PRIM2: variants seen among roughly 807,000 people sequenced by gnomAD.
The protein encoded by PRIM2 is DNA primase subunit 2.
Under a neutral mutation model 67.3 loss-of-function variants are expected in PRIM2, and 39 were observed. That is an observed-to-expected ratio of 0.58 (90% confidence interval 0.45 to 0.76). The LOEUF (loss-of-function observed/expected upper bound fraction) is 0.76, where lower values mean the gene tolerates loss of function less well. PRIM2 is among the 30% of genes least tolerant of loss of function. The pLI is 0.00. For missense variants in PRIM2, 398 were observed against 598.7 expected, an observed-to-expected ratio of 0.66 and a Z score of 3.50; for synonymous variants, 143 against 198.7, an observed-to-expected ratio of 0.72 and a Z score of 2.36.
the PRIM2 span, among the ~76,000 whole-genome samples, chr6:57,278,437 C>T: frequency 6.6e-6 from 1 of 152,190 alleles, no homozygotes; most frequent in African/African-American, 2.4e-5. Flanking sequence ...GTCCTCCTAC[C>T]ACCAGTCTGT....
the PRIM2 span, among the ~76,000 whole-genome samples, chr6:57,266,499 C>A: frequency 7.9e-5 from 12 of 152,234 alleles, no homozygotes; most frequent in East Asian, 2.3e-3. Flanking sequence ...TAGGGCTGAC[C>A]AAAGTGACGA....
intron 7 of PRIM2, among the ~76,000 whole-genome samples, chr6:57,397,044 C>G (rs1274338413): frequency 6.6e-6 from 1 of 152,150 alleles, no homozygotes; most frequent in South Asian, 2.1e-4. Flanking sequence ...TGCTGTTAAT[C>G]TGTTAGGTTT....
At chr6:57,434,934 T>G (rs1562750861) in intron 7 of PRIM2, 1 of 145,442 alleles carries the variant, frequency 6.9e-6, no homozygotes, top group Non-Finnish European at 1.5e-5. Flanking sequence ...GCCACCATAC[T>G]CAGCTGATTT....
chr6:57,327,708 G>C (rs960710017), intron 5 of PRIM2, among the ~76,000 whole-genome samples: 12 of 152,120 alleles, frequency 7.9e-5, no homozygotes, highest in African/African-American at 2.9e-4. Context: ...ATTCCTATTA[G>C]AAATAGTTTA....
intron 5 of PRIM2, among the ~76,000 whole-genome samples, chr6:57,370,947 C>T (rs1769533826): frequency 6.6e-6 from 1 of 152,024 alleles, no homozygotes; most frequent in Non-Finnish European, 1.5e-5. Flanking sequence ...ATCTGCCCAC[C>T]TCAGCCTCCC....
intron 8 of PRIM2, among the ~76,000 whole-genome samples, chr6:57,524,687 G>A (rs1378459052): frequency 1.3e-5 from 2 of 151,464 alleles, no homozygotes; most frequent in Non-Finnish European, 2.9e-5. Flanking sequence ...GGCAACAAGA[G>A]CAAAACTCCG....
chr6:57,324,603 T>C (rs532323572), intron 4 of PRIM2, among the ~76,000 whole-genome samples: 1 of 152,308 alleles, frequency 6.6e-6, no homozygotes, highest in South Asian at 2.1e-4. Context: ...AAAATGGTAA[T>C]ATTTATAAGA....
intron 7 of PRIM2, among the ~76,000 whole-genome samples, chr6:57,472,909 A>T (rs1362348721): frequency 6.6e-6 from 1 of 152,296 alleles, no homozygotes; most frequent in Non-Finnish European, 1.5e-5. Flanking sequence ...TTGGGGATCA[A>T]ATTGGTTTTC....
chr6:57,502,425 G>A (rs1177982785), intron 7 of PRIM2, among the ~76,000 whole-genome samples: 2 of 152,150 alleles, frequency 1.3e-5, no homozygotes, highest in African/African-American at 2.4e-5. Flanking sequence ...TGGAGGATGC[G>A]CAGTGAGGGT....
chr6:57,542,860 C>G (rs1244025774), intron 10 of PRIM2, among the ~76,000 whole-genome samples: 1 of 145,668 alleles, frequency 6.9e-6, no homozygotes, highest in African/African-American at 2.6e-5. Flanking sequence ...ACCATTGTAT[C>G]TATTTGTTAA....
chr6:57,233,579 T>A, the PRIM2 span, among the ~76,000 whole-genome samples: 1 of 151,194 alleles, frequency 6.6e-6, no homozygotes, highest in African/African-American at 2.4e-5. Context: ...GTTAACAATG[T>A]CTTTCCTCCT....
chr6:57,517,309 G>A (rs1358753827), intron 8 of PRIM2, among the ~76,000 whole-genome samples: 1 of 152,154 alleles, frequency 6.6e-6, no homozygotes, highest in Middle Eastern at 3.4e-3. Flanking sequence ...TGATGTTATG[G>A]GAAATAATAT....
chr6:57,393,491 T>C (rs1770426977), intron 7 of PRIM2, among the ~76,000 whole-genome samples: 1 of 152,190 alleles, frequency 6.6e-6, no homozygotes, highest in Admixed American at 6.5e-5. Context: ...TAGCCCACTT[T>C]TTGATGGAAT....
chr6:57,608,608 C>T (rs1255165708), intron 12 of PRIM2, among the ~76,000 whole-genome samples: 4 of 151,382 alleles, frequency 2.6e-5, no homozygotes, highest in Admixed American at 2.6e-4. Context: ...ACTGTAGCCT[C>T]AGCTACTCAG....
At chr6:57,601,240 T>C (rs1439952625) in intron 11 of PRIM2, 21 bp downstream of exon 11, 3 of 1,573,828 alleles carry the variant, frequency 1.9e-6, no homozygotes, top group African/African-American at 1.4e-5. Flanking sequence ...CCACTGGATA[T>C]GTTGGCCAAG....
rs1777334563 is a variant in PRIM2 at position 57,646,342 on chromosome 6, C to T, written c.*184C>T. 1 of 595,924 alleles carries T rather than the reference C, an allele frequency of 1.7e-6. No individual in the cohort carries two copies. Among genetic ancestry groups the T allele is most frequent in the South Asian group, 2.0e-5 (1 of 49,072 alleles). 36.9% of individuals were successfully genotyped at this position (595,924 alleles called of 1,614,324 possible). On this transcript the variant is annotated 3_prime_UTR_variant, in exon 14 of 14. Transcript: ENST00000615550. The stretch of plus-strand genomic sequence containing the variant: ...ACCTCAGCCTCCCAAGTAGTTAGGA[C>T]CACAGGTGTGCACCTCATATCCAGA...
At chr6:57,603,569 T>C (rs1244420323) in intron 11 of PRIM2, among the ~76,000 whole-genome samples, 1 of 152,058 alleles carries the variant, frequency 6.6e-6, no homozygotes, top group Non-Finnish European at 1.5e-5. Context: ...TACCATACTG[T>C]TTTGGTTACA....
chr6:57,401,166 C>T (rs573247535), intron 7 of PRIM2, among the ~76,000 whole-genome samples: 151 of 152,264 alleles, frequency 9.9e-4, no homozygotes, highest in African/African-American at 3.6e-3. Context: ...GGAGAACATG[C>T]GTCACTCTGG....
intron 7 of PRIM2, among the ~76,000 whole-genome samples, chr6:57,493,672 T>G (rs1388018269): frequency 6.6e-6 from 1 of 152,212 alleles, no homozygotes. Flanking sequence ...ACATGCAAGA[T>G]GAAAATCTCT....
Sources: gnomAD v4.1 joint callset for allele counts (sites outside exome capture counted in the v4.1 genomes callset) on GRCh38, gnomAD v4.1.1 for gene constraint, MANE v1.5 for transcripts, NCBI Gene and HGNC (gene_info 2026-07-23, HGNC 2026-07-21) for gene names.